TMTC1: variants seen among roughly 807,000 people sequenced by gnomAD.
TMTC1 encodes protein O-mannosyl-transferase TMTC1.
Under a neutral mutation model 104.8 loss-of-function variants are expected in TMTC1, and 73 were observed. The observed-to-expected ratio is 0.70, with a 90% CI of 0.58 to 0.85. The LOEUF is 0.85. TMTC1 is among the 40% of genes least tolerant of loss of function. The pLI is 0.00. For missense variants in TMTC1, 1,035 were observed against 1,096.1 expected, an observed-to-expected ratio of 0.94 and a Z score of 0.79; for synonymous variants, 434 against 428.7, an observed-to-expected ratio of 1.01 and a Z score of -0.15.
intron 5 of TMTC1, among the ~76,000 whole-genome samples, chr12:29,724,156 T>C (rs1942315935): frequency 6.6e-6 from 1 of 152,152 alleles, no homozygotes; most frequent in Non-Finnish European, 1.5e-5. Flanking sequence ...GACTATGTGA[T>C]CAATCTCATT....
chr12:29,543,044 G>A (rs1338701785), intron 10 of TMTC1, among the ~76,000 whole-genome samples: 2 of 152,088 alleles, frequency 1.3e-5, no homozygotes, highest in African/African-American at 4.8e-5. Context: ...AAAAATTCCC[G>A]AGAATGTGTT....
intron 6 of TMTC1, among the ~76,000 whole-genome samples, chr12:29,629,371 C>CA (rs1938179031): frequency 6.6e-6 from 1 of 151,824 alleles, no homozygotes; most frequent in East Asian, 1.9e-4. Flanking sequence ...CTCCACCCTT[C>CA]AAGTTGTTCT....
chr12:29,706,059 C>T (rs906122426), intron 5 of TMTC1, among the ~76,000 whole-genome samples: 3 of 152,144 alleles, frequency 2.0e-5, no homozygotes, highest in African/African-American at 7.2e-5. Flanking sequence ...ACAGTTCTCC[C>T]AAAGCTTACC....
At chr12:29,702,933 T>C (rs1266728106) in intron 5 of TMTC1, among the ~76,000 whole-genome samples, 1 of 151,722 alleles carries the variant, frequency 6.6e-6, no homozygotes, top group East Asian at 1.9e-4. Context: ...TCACCTGAGG[T>C]CAGGAGATCA....
intron 11 of TMTC1, among the ~76,000 whole-genome samples, chr12:29,523,217 G>T (rs1944233630): frequency 6.6e-6 from 1 of 152,164 alleles, no homozygotes. Flanking sequence ...ATGTAACAAA[G>T]TTTATTTGAG....
intron 5 of TMTC1, among the ~76,000 whole-genome samples, chr12:29,745,028 C>T (rs925306409): frequency 3.3e-5 from 5 of 151,982 alleles, no homozygotes; most frequent in Admixed American, 6.6e-5. Flanking sequence ...TGGACTTAAG[C>T]GATCCTCCCA....
chr12:29,520,299 A>G (rs908919249), intron 12 of TMTC1, among the ~76,000 whole-genome samples: 1 of 152,222 alleles, frequency 6.6e-6, no homozygotes, highest in Non-Finnish European at 1.5e-5. Context: ...ATCATTGTAG[A>G]GAAACATTTC....
chr12:29,724,289 C>G (rs560250182), intron 5 of TMTC1, among the ~76,000 whole-genome samples: 1 of 152,280 alleles, frequency 6.6e-6, no homozygotes, highest in South Asian at 2.1e-4. Context: ...AACACGCAAA[C>G]TCTGCTGAGT....
At chr12:29,742,410 CTG>C (rs1555195071) in intron 5 of TMTC1, among the ~76,000 whole-genome samples, 1 of 152,126 alleles carries the variant, frequency 6.6e-6, no homozygotes, top group Non-Finnish European at 1.5e-5. Flanking sequence ...CTCATGAAGA[CTG>C]TAGCTTAGGG....
intron 5 of TMTC1, among the ~76,000 whole-genome samples, chr12:29,695,985 T>A (rs116758892): frequency 0.012 from 1,794 of 151,918 alleles, 23 homozygotes; most frequent in African/African-American, 0.041. Context: ...TTGAGAATTT[T>A]CCAAATTTTT....
At chr12:29,556,534 T>C (rs527670368) in intron 10 of TMTC1, among the ~76,000 whole-genome samples, 100 of 152,344 alleles carry the variant, frequency 6.6e-4, no homozygotes, top group South Asian at 3.1e-3. Context: ...TATTAAAGCT[T>C]CTTGCCATAA....
At chr12:29,643,301 C>A (rs1287508745) in intron 5 of TMTC1, among the ~76,000 whole-genome samples, 3 of 150,780 alleles carry the variant, frequency 2.0e-5, no homozygotes, top group Non-Finnish European at 2.9e-5. Flanking sequence ...GGTATCTACC[C>A]AGAACATAAG....
chr12:29,561,736 A>G (rs1945383344), intron 9 of TMTC1, among the ~76,000 whole-genome samples: 1 of 152,216 alleles, frequency 6.6e-6, no homozygotes, highest in Non-Finnish European at 1.5e-5. Flanking sequence ...AGTGCCGTAT[A>G]TGGCATTTCA....
chr12:29,668,449 C>CTTATCTTT (rs1940368692), intron 5 of TMTC1, among the ~76,000 whole-genome samples: 2 of 119,304 alleles, frequency 1.7e-5, no homozygotes, highest in Admixed American at 2.0e-4. Context: ...ACCATACCAA[C>CTTATCTTT]TTATCTTTTT....
chr12:29,590,784 C>CAAACA, intron 7 of TMTC1, among the ~76,000 whole-genome samples: 1 of 152,236 alleles, frequency 6.6e-6, no homozygotes, highest in Admixed American at 6.5e-5. Context: ...AACTCCGTCT[C>CAAACA]AAACAAAACA....
At chr12:29,735,470 A>G (rs1010255196) in intron 5 of TMTC1, among the ~76,000 whole-genome samples, 1 of 152,224 alleles carries the variant, frequency 6.6e-6, no homozygotes, top group African/African-American at 2.4e-5. Context: ...GAGTAGGCAA[A>G]TATAGTAGTC....
At chr12:29,550,949 A>G (rs1162036323) in intron 10 of TMTC1, among the ~76,000 whole-genome samples, 1 of 17,238 alleles carries the variant, frequency 5.8e-5, no homozygotes, top group Non-Finnish European at 2.1e-4. Context: ...AAAAAAAAAA[A>G]AAAAAAAAAA....
At chr12:29,567,210 T>G (rs899611762) in intron 9 of TMTC1, among the ~76,000 whole-genome samples, 2 of 152,230 alleles carry the variant, frequency 1.3e-5, no homozygotes, top group African/African-American at 4.8e-5. Flanking sequence ...TGCTCCTTAA[T>G]AAACTTCCTG....
intron 5 of TMTC1, among the ~76,000 whole-genome samples, chr12:29,723,583 A>G (rs1215416491): frequency 2.0e-5 from 3 of 151,850 alleles, no homozygotes; most frequent in Non-Finnish European, 4.4e-5. Flanking sequence ...AATTAGTCAG[A>G]TGTCTGTAAT....
Sources: gnomAD v4.1 joint callset for allele counts (sites outside exome capture counted in the v4.1 genomes callset) on GRCh38, gnomAD v4.1.1 for gene constraint, MANE v1.5 for transcripts, NCBI Gene and HGNC (gene_info 2026-07-23, HGNC 2026-07-21) for gene names.